SNRPG: variants seen among roughly 807,000 people sequenced by gnomAD.
SNRPG encodes the protein small nuclear ribonucleoprotein polypeptide G, also known as small nuclear ribonucleoprotein G.
In SNRPG, 3 loss-of-function variants were observed where a neutral mutation model predicts 13.9. The ratio of observed to expected loss-of-function variants is 0.22; its 90% CI spans 0.10 to 0.56. The LOEUF is 0.56. SNRPG is among the 20% of genes least tolerant of loss of function. The probability of loss-of-function intolerance (pLI) is 0.93; values close to 1 mark genes in which losing one functional copy is unlikely to be tolerated. For synonymous variants in SNRPG, 29 were observed against 29.3 expected (o/e 0.99, Z 0.03); for missense variants, 34 against 96.1 (o/e 0.35, Z 2.70).
rs577552079 is a variant in SNRPG at position 70,289,901 on chromosome 2, A to G, written c.33-529T>C. ...GGGAAGAGGAAAGGCAATAAAAATG[A>G]AACATATTTAGACTATATTAATTTA... On this transcript the variant is annotated intron_variant, in intron 1 of 3. Transcript: ENST00000272348. Among the ~76,000 whole-genome samples, 29 of 152,324 alleles carry G rather than the reference A, an allele frequency of 1.9e-4. No homozygotes were observed. The Middle Eastern group carries it at 0.02, about 107-fold the overall frequency.
intron 3 of SNRPG, 66 bp from the exon 4 acceptor site, chr2:70,281,750 A>G: frequency 1.1e-6 from 1 of 884,246 alleles, no homozygotes; most frequent in South Asian, 1.5e-5. Flanking sequence ...TGATGATTTA[A>G]GAATTTTCAC....
At chr2:70,293,296 G>A in intron 1 of SNRPG, 1 of 679,668 alleles carries the variant, frequency 1.5e-6, no homozygotes, top group Middle Eastern at 2.4e-4. Flanking sequence ...GATACTATTC[G>A]AGATGTTCAA....
At chr2:70,288,641 G>A (rs764234282) in intron 2 of SNRPG, among the ~76,000 whole-genome samples, 3 of 152,138 alleles carry the variant, frequency 2.0e-5, no homozygotes, top group Non-Finnish European at 4.4e-5. Flanking sequence ...TACCTCTAAC[G>A]CTCATGGTTT....
rs910131945 is a variant in SNRPG at position 70,288,060 on chromosome 2, T to C, written c.180+8A>G. On this transcript the variant is annotated splice_region_variant and intron_variant, in intron 3 of 3. Coordinates refer to ENST00000272348, the MANE Select transcript of SNRPG (RefSeq NM_003096.4). ...AATCTCCAAGAGAACTCTTGTATCTTTACTTACCACCATTCCAATATTGTT... is the reference window on the plus strand; with the variant it reads ...AATCTCCAAGAGAACTCTTGTATCTCTACTTACCACCATTCCAATATTGTT... 1.2e-6 allele frequency: 2 copies of C among 1,611,046 alleles called. No individual in the cohort carries two copies. The highest frequency in any genetic ancestry group is 2.7e-5 in the African/African-American group (2 of 74,962).
rs57862220 is a variant in SNRPG at position 70,283,096 on chromosome 2, C to CAAAAAAAAAAAAA, written c.181-1425_181-1413dup. ...GGCAACGAGCGAAACTGTCTTTTGT[C>CAAAAAAAAAAAAA]AAAAAAAAAAAAAAAAAAAAAAAAA... On this transcript the variant is annotated intron_variant, in intron 3 of 3. Transcript: ENST00000272348. Among the ~76,000 whole-genome samples the CAAAAAAAAAAAAA allele has an allele frequency of 2.0e-3, 28 of 14,024 alleles. 1 individual carries two copies. The highest frequency in any genetic ancestry group is 0.17 in the Middle Eastern group (1 of 6). The allele number at this position is 14,024 out of a possible 152,430, so 9.2% of individuals were successfully genotyped here.
At chr2:70,287,691 A>G (rs1452182264) in intron 3 of SNRPG, 1 of 392,722 alleles carries the variant, frequency 2.5e-6, no homozygotes, top group Non-Finnish European at 4.6e-6. Context: ...ACCTTAGTTA[A>G]GTTCTGCCCC....
intron 3 of SNRPG, among the ~76,000 whole-genome samples, chr2:70,283,172 T>TAG (rs1182766287): frequency 8.3e-6 from 1 of 119,956 alleles, no homozygotes; most frequent in Non-Finnish European, 1.7e-5. Context: ...TATCAGAGTA[T>TAG]AGATGAATCA....
At chr2:70,283,842 T>A (rs1430488645) in intron 3 of SNRPG, among the ~76,000 whole-genome samples, 1 of 152,216 alleles carries the variant, frequency 6.6e-6, no homozygotes, top group African/African-American at 2.4e-5. Context: ...GCAGATAGCT[T>A]GAGCCCAGGA....
At chr2:70,288,750 C>T (rs538474535) in intron 2 of SNRPG, among the ~76,000 whole-genome samples, 1 of 152,272 alleles carries the variant, frequency 6.6e-6, no homozygotes, top group African/African-American at 2.4e-5. Context: ...GATAACTGTT[C>T]CTTGTCTAAG....
At chr2:70,292,779 C>G (rs977712634) in intron 1 of SNRPG, 3 of 209,512 alleles carry the variant, frequency 1.4e-5, no homozygotes, top group Non-Finnish European at 2.9e-5. Context: ...ATTTTGCATC[C>G]TTTGTGCAAT....
At chr2:70,290,940 G>A (rs1695245773) in intron 1 of SNRPG, among the ~76,000 whole-genome samples, 2 of 149,672 alleles carry the variant, frequency 1.3e-5, no homozygotes, top group African/African-American at 2.5e-5. Flanking sequence ...GAACCCGGGA[G>A]GCACAGGTTG....
chr2:70,293,707 G>A lies in SNRPG; in HGVS notation c.-58C>T. 2 of 1,549,338 alleles carry A rather than the reference G, an allele frequency of 1.3e-6. No individual in the cohort carries two copies. The highest frequency in any genetic ancestry group is 1.8e-6 in the Non-Finnish European group (2 of 1,121,122). ...GAACGCAACGCACGGCTTTCCTCAC[G>A]CTCCCGCTGTAGGCCCGGCGTCTTG... On this transcript the variant is annotated 5_prime_UTR_variant, in exon 1 of 4. Coordinates refer to ENST00000272348, the MANE Select transcript of SNRPG (RefSeq NM_003096.4).
At chr2:70,291,819 G>A (rs1219229016) in intron 1 of SNRPG, among the ~76,000 whole-genome samples, 1 of 149,734 alleles carries the variant, frequency 6.7e-6, no homozygotes, top group Non-Finnish European at 1.5e-5. Context: ...AGTAGAGAAT[G>A]GTCTTTTTGT....
At chr2:70,283,086 TGTC>T (rs1573989644) in intron 3 of SNRPG, among the ~76,000 whole-genome samples, 1 of 95,924 alleles carries the variant, frequency 1.0e-5, no homozygotes, top group Non-Finnish European at 1.8e-5. Flanking sequence ...CGAGCGAAAC[TGTC>T]TTTTGTCAAA....
Sources: gnomAD v4.1 joint callset for allele counts (sites outside exome capture counted in the v4.1 genomes callset) on GRCh38, gnomAD v4.1.1 for gene constraint, MANE v1.5 for transcripts, NCBI Gene and HGNC (gene_info 2026-07-23, HGNC 2026-07-21) for gene names.